The following PRKCH variants were observed in gnomAD, a reference collection of about 807,000 sequenced individuals.
PRKCH encodes the protein protein kinase C eta type.
In PRKCH, 28 loss-of-function variants were observed where a neutral mutation model predicts 82.5. The observed-to-expected ratio is 0.34, with a 90% CI of 0.25 to 0.47. The LOEUF (loss-of-function observed/expected upper bound fraction) is 0.47, where lower values mean the gene tolerates loss of function less well. PRKCH is among the 20% of genes least tolerant of loss of function. The pLI, the probability that PRKCH is intolerant of heterozygous loss-of-function variation, is 1.00. For missense variants in PRKCH, 705 were observed against 881.8 expected (o/e 0.80, Z 2.54); for synonymous variants, 322 against 327.4 (o/e 0.98, Z 0.18).
rs148664138 is a variant in PRKCH, at chr14:61,293,860, G to A, written c.-19+106192G>A. 3.8e-3 allele frequency among the ~76,000 whole-genome samples: 580 copies of A among 152,216 alleles called. 3 individuals are homozygous for A. The highest frequency in any genetic ancestry group is 0.013 in the African/African-American group (545 of 41,548). On this transcript the variant is annotated intron_variant, in intron 1 of 3. Transcript: ENST00000555185. ...CCAGGAAAACTCTGCCCCAGAATCT[G>A]TCTATTAACAGAGCTGATAACCAAG...
chr14:61,281,037 CG>C, intron 1 of PRKCH: 5 of 1,529,974 alleles, frequency 3.3e-6, no homozygotes, highest in Non-Finnish European at 4.4e-6. Flanking sequence ...AGAAGAAGAG[CG>C]GCAGCGCGAT....
intron 1 of PRKCH, among the ~76,000 whole-genome samples, chr14:61,190,298 G>C (rs1033409811): frequency 1.3e-5 from 2 of 152,094 alleles, no homozygotes; most frequent in Non-Finnish European, 2.9e-5. Flanking sequence ...CAGGCTCTGG[G>C]ATCTTAGGTT....
chr14:61,251,087 C>T (rs968430816), intron 1 of PRKCH, among the ~76,000 whole-genome samples: 2 of 151,996 alleles, frequency 1.3e-5, no homozygotes, highest in Non-Finnish European at 2.9e-5. Flanking sequence ...TTTGTGGGTA[C>T]ATAGTAGGTG....
chr14:61,291,452 C>T lies in PRKCH; in HGVS notation c.-19+103784C>T, dbSNP rs923935598. Among the ~76,000 whole-genome samples the T allele has an allele frequency of 1.9e-3, 292 of 152,100 alleles. 5 individuals carry two copies. Among genetic ancestry groups the T allele is most frequent in the Non-Finnish European group, 9.1e-4 (62 of 67,984 alleles). On this transcript the variant is annotated intron_variant, in intron 1 of 3. Transcript: ENST00000555185. ...TCAAGCAATTCTCCTGCCTCAGCCC[C>T]CCAAGTAGCTGGGACTACAGGTGTG...
chr14:61,532,730 A>G (rs1318128610), intron 12 of PRKCH, among the ~76,000 whole-genome samples: 2 of 152,222 alleles, frequency 1.3e-5, no homozygotes, highest in Admixed American at 1.3e-4. Context: ...TAACGAGCAG[A>G]TACACTGTCC....
intron 12 of PRKCH, among the ~76,000 whole-genome samples, chr14:61,532,252 A>T (rs892026486): frequency 1.3e-5 from 2 of 152,114 alleles, no homozygotes; most frequent in African/African-American, 2.4e-5. Flanking sequence ...TTCAAGCCAT[A>T]AAAAAAATGC....
At chr14:61,509,600 G>T (rs1033169625) in intron 10 of PRKCH, among the ~76,000 whole-genome samples, 1 of 152,098 alleles carries the variant, frequency 6.6e-6, no homozygotes, top group Non-Finnish European at 1.5e-5. Flanking sequence ...AACTATGAAT[G>T]TTGGCTGGGT....
chr14:61,280,113 C>G lies in PRKCH; in HGVS notation c.-19+92445C>G. 1 of 1,612,812 alleles carries G rather than the reference C, an allele frequency of 6.2e-7. No individual in the cohort carries two copies. Among genetic ancestry groups the G allele is most frequent in the Non-Finnish European group, 8.5e-7 (1 of 1,179,398 alleles). On this transcript the variant is annotated intron_variant, in intron 1 of 3. Transcript: ENST00000555185. The surrounding 1 kb of genome is among the most constrained non-coding windows in gnomAD (Gnocchi z 5.0). Reference sequence around the variant, plus strand: ...GGAATCACTCCTCGTCGTCGTCGTCCTGGTCCTGGTAGCGAATGTAGACGA... The same window carrying G: ...GGAATCACTCCTCGTCGTCGTCGTCGTGGTCCTGGTAGCGAATGTAGACGA...
At chr14:61,208,495 G>A (rs575098575) in intron 1 of PRKCH, among the ~76,000 whole-genome samples, 10 of 152,110 alleles carry the variant, frequency 6.6e-5, no homozygotes, top group Non-Finnish European at 1.2e-4. Flanking sequence ...ATCCAAGCTG[G>A]ATATTACCAT....
At chr14:61,393,489 T>C (rs1169866081) in intron 2 of PRKCH, among the ~76,000 whole-genome samples, 1 of 152,178 alleles carries the variant, frequency 6.6e-6, no homozygotes, top group Non-Finnish European at 1.5e-5. Context: ...AATCCCAAGG[T>C]GTTTTAAGCC....
chr14:61,238,944 A>C (rs971148553), intron 1 of PRKCH, among the ~76,000 whole-genome samples: 8 of 152,224 alleles, frequency 5.3e-5, no homozygotes, highest in African/African-American at 1.7e-4. Flanking sequence ...CATCAGGTGA[A>C]TATCCCAGTC....
At chr14:61,264,939 G>C (rs2045084239) in intron 1 of PRKCH, among the ~76,000 whole-genome samples, 1 of 152,176 alleles carries the variant, frequency 6.6e-6, no homozygotes, top group Admixed American at 6.5e-5. Flanking sequence ...GGAATGGTGT[G>C]TTGGGCTGGG....
At chr14:61,299,240 T>G (rs1051823616) in intron 1 of PRKCH, among the ~76,000 whole-genome samples, 2 of 152,146 alleles carry the variant, frequency 1.3e-5, no homozygotes, top group African/African-American at 2.4e-5. Context: ...AAGATTACAC[T>G]GAAGAAGGGT....
chr14:61,478,633 G>A (rs1194565984), intron 9 of PRKCH, among the ~76,000 whole-genome samples: 1 of 152,148 alleles, frequency 6.6e-6, no homozygotes, highest in African/African-American at 2.4e-5. Flanking sequence ...CACTTTGGGA[G>A]GCCGAGGTAG....
chr14:61,342,134 C>T (rs2095050011), intron 1 of PRKCH, among the ~76,000 whole-genome samples: 1 of 151,958 alleles, frequency 6.6e-6, no homozygotes. Flanking sequence ...AAGGGCAGAG[C>T]CTTTCCTACG....
At chr14:61,332,581 TGTG>T (rs1362102044) in intron 1 of PRKCH, among the ~76,000 whole-genome samples, 1 of 152,188 alleles carries the variant, frequency 6.6e-6, no homozygotes, top group Admixed American at 6.5e-5. Flanking sequence ...AGTTTGTGCT[TGTG>T]GTAAAAAATT....
chr14:61,217,341 G>A (rs550635412), intron 1 of PRKCH, among the ~76,000 whole-genome samples: 1 of 152,158 alleles, frequency 6.6e-6, no homozygotes, highest in Non-Finnish European at 1.5e-5. Flanking sequence ...TGCAGTGAGA[G>A]GTTGAGGCTG....
chr14:61,507,524 A>G (rs534699825), intron 10 of PRKCH, among the ~76,000 whole-genome samples: 2 of 152,226 alleles, frequency 1.3e-5, no homozygotes, highest in African/African-American at 4.8e-5. Flanking sequence ...AAAATATGGA[A>G]ACAATCTAAA....
chr14:61,390,086 A>G (rs1328545832), intron 1 of PRKCH, among the ~76,000 whole-genome samples: 1 of 152,176 alleles, frequency 6.6e-6, no homozygotes, highest in Non-Finnish European at 1.5e-5. Flanking sequence ...AAATTCATGT[A>G]TTTGAGTCCA....
Sources: allele counts gnomAD v4.1 joint callset (sites outside exome capture counted in the v4.1 genomes callset), GRCh38; gene constraint gnomAD v4.1.1; non-coding constraint Gnocchi (gnomAD v3.1); transcripts MANE v1.5; gene names NCBI Gene and HGNC (gene_info 2026-07-23, HGNC 2026-07-21).